RPS6KA5: variants seen among roughly 807,000 people sequenced by gnomAD.
RPS6KA5 encodes ribosomal protein S6 kinase A5.
RPS6KA5 carries 27 observed loss-of-function variants against 85.5 expected under a neutral mutation model. The observed-to-expected ratio is 0.32, with a 90% CI of 0.23 to 0.44. The LOEUF (loss-of-function observed/expected upper bound fraction) is 0.44, where lower values mean the gene tolerates loss of function less well. Among genes scored for constraint, RPS6KA5 ranks in the 20% least tolerant of loss-of-function variants. RPS6KA5 has a pLI of 1.00. For missense variants in RPS6KA5, 811 were observed against 980.9 expected, an observed-to-expected ratio of 0.83 and a Z score of 2.31; for synonymous variants, 334 against 348.2, an observed-to-expected ratio of 0.96 and a Z score of 0.46.
At chr14:91,047,097 A>G (rs2042906224) in intron 1 of RPS6KA5, among the ~76,000 whole-genome samples, 1 of 152,010 alleles carries the variant, frequency 6.6e-6, no homozygotes, top group Non-Finnish European at 1.5e-5. Flanking sequence ...ATAAAGTCAA[A>G]TATCTTCCCA....
intron 1 of RPS6KA5, among the ~76,000 whole-genome samples, chr14:91,012,557 G>A (rs1033474303): frequency 6.6e-6 from 1 of 152,122 alleles, no homozygotes; most frequent in African/African-American, 2.4e-5. Flanking sequence ...AATCTGCAGT[G>A]CCAAGGCCTG....
intron 3 of RPS6KA5, among the ~76,000 whole-genome samples, chr14:90,971,250 G>A (rs1021992684): frequency 1.3e-5 from 2 of 152,122 alleles, no homozygotes; most frequent in Non-Finnish European, 2.9e-5. Flanking sequence ...CTGGAAGGGA[G>A]AGGTTGCAAT....
Position 90,947,622 on chromosome 14 carries a change from C to T in RPS6KA5, c.395-72G>A. The T allele has an allele frequency of 3.4e-6, 3 of 883,242 alleles. No individual in the cohort carries two copies. The South Asian group carries it at 4.4e-5, about 13-fold the overall frequency. 54.7% of individuals were successfully genotyped at this position (883,242 alleles called of 1,614,324 possible). On this transcript the variant is annotated intron_variant, in intron 3 of 16. Transcript: ENST00000614987. The stretch of plus-strand genomic sequence containing the variant: ...GAAAAGCAGTGTTTCCTTTTAATCA[C>T]TTTGGATTCACCATAAGGCACTGAT...
In RPS6KA5 at chr14:90,947,338, T is replaced by G. The variant is rs984741090; in HGVS notation, c.510+97A>C. On this transcript the variant is annotated intron_variant, in intron 4 of 16. Coordinates refer to ENST00000614987, the MANE Select transcript of RPS6KA5 (RefSeq NM_004755.4). ...ATAAGTATGCTTTCATAATCTCCAC[T>G]AAGACAATAACATGTAAAAACATTA... is the stretch of plus-strand genomic sequence containing the variant. 7 of 697,486 alleles carry G rather than the reference T, an allele frequency of 1.0e-5. No individual in the cohort carries two copies. In the African/African-American group the frequency reaches 1.3e-4, roughly 12 times the overall value. The allele number at this position is 697,486 out of a possible 1,614,324, so 43.2% of individuals were successfully genotyped here.
intron 5 of RPS6KA5, among the ~76,000 whole-genome samples, chr14:90,942,844 T>G (rs965083810): frequency 1.3e-5 from 2 of 152,016 alleles, no homozygotes; most frequent in African/African-American, 2.4e-5. Flanking sequence ...CATAGTGTCT[T>G]TTTTCTTTTT....
chr14:90,972,926 A>G (rs1290128991), intron 3 of RPS6KA5, among the ~76,000 whole-genome samples: 1 of 152,228 alleles, frequency 6.6e-6, no homozygotes, highest in Admixed American at 6.5e-5. Context: ...CTCAGAAAAA[A>G]TACATATGGC....
At chr14:91,036,357 A>T (rs1168246745) in intron 1 of RPS6KA5, among the ~76,000 whole-genome samples, 2 of 152,274 alleles carry the variant, frequency 1.3e-5, no homozygotes, top group Non-Finnish European at 2.9e-5. Flanking sequence ...GTTTAGAACT[A>T]AACTCTACCA....
chr14:91,025,292 C>T (rs1200348713), intron 1 of RPS6KA5, among the ~76,000 whole-genome samples: 2 of 152,222 alleles, frequency 1.3e-5, no homozygotes, highest in Non-Finnish European at 2.9e-5. Flanking sequence ...GATCTGCCGG[C>T]CTCAGCCTCC....
At chr14:91,057,816 AAC>A (rs1367957863) in intron 1 of RPS6KA5, among the ~76,000 whole-genome samples, 1 of 152,208 alleles carries the variant, frequency 6.6e-6, no homozygotes, top group African/African-American at 2.4e-5. Flanking sequence ...GCACTTTTCC[AAC>A]AGTGTCTCAT....
intron 13 of RPS6KA5, among the ~76,000 whole-genome samples, chr14:90,890,892 A>G (rs543528496): frequency 6.3e-4 from 96 of 152,122 alleles, no homozygotes; most frequent in Non-Finnish European, 1.1e-3. Flanking sequence ...AACATTTTTC[A>G]ACTGCACCAT....
At chr14:91,026,521 T>C (rs140774680) in intron 1 of RPS6KA5, among the ~76,000 whole-genome samples, 2 of 152,298 alleles carry the variant, frequency 1.3e-5, no homozygotes, top group African/African-American at 2.4e-5. Flanking sequence ...TGAGCCACCA[T>C]GCCCAACATA....
chr14:90,943,922 A>G (rs1390481260), intron 4 of RPS6KA5, among the ~76,000 whole-genome samples: 1 of 152,066 alleles, frequency 6.6e-6, no homozygotes, highest in Non-Finnish European at 1.5e-5. Flanking sequence ...GCGTGGTCCT[A>G]GCTCACTGCA....
At chr14:90,977,242 C>A (rs1037728343) in intron 3 of RPS6KA5, among the ~76,000 whole-genome samples, 1 of 152,160 alleles carries the variant, frequency 6.6e-6, no homozygotes, top group South Asian at 2.1e-4. Context: ...TACCATAATT[C>A]TAGGAGAGAG....
At chr14:90,895,563 T>C (rs2034792607) in intron 12 of RPS6KA5, among the ~76,000 whole-genome samples, 1 of 152,144 alleles carries the variant, frequency 6.6e-6, no homozygotes, top group African/African-American at 2.4e-5. Flanking sequence ...CCACCCAGGC[T>C]CTTTTCTGTC....
At chr14:90,970,035 C>T (rs1221087671) in intron 3 of RPS6KA5, among the ~76,000 whole-genome samples, 1 of 152,142 alleles carries the variant, frequency 6.6e-6, no homozygotes, top group Non-Finnish European at 1.5e-5. Flanking sequence ...CTTTTCTTAT[C>T]TTCTATCTAA....
intron 2 of RPS6KA5, among the ~76,000 whole-genome samples, chr14:90,992,067 T>A (rs1286059): frequency 3.3e-5 from 5 of 151,960 alleles, no homozygotes; most frequent in African/African-American, 1.2e-4. Flanking sequence ...ATCTGATGAG[T>A]CTTTCCTATT....
At chr14:90,902,019 A>T (rs1228656033) in intron 9 of RPS6KA5, among the ~76,000 whole-genome samples, 1 of 149,542 alleles carries the variant, frequency 6.7e-6, no homozygotes, top group Admixed American at 6.7e-5. Flanking sequence ...TGTTTCTACA[A>T]TTTTTTTTTA....
intron 1 of RPS6KA5, among the ~76,000 whole-genome samples, chr14:91,027,961 T>C (rs571501886): frequency 5.9e-5 from 9 of 152,306 alleles, no homozygotes; most frequent in African/African-American, 2.2e-4. Flanking sequence ...ACATTTCTGT[T>C]AGCTGCAGTA....
chr14:91,049,796 A>G (rs2043000787), intron 1 of RPS6KA5, among the ~76,000 whole-genome samples: 1 of 152,226 alleles, frequency 6.6e-6, no homozygotes, highest in Non-Finnish European at 1.5e-5. Flanking sequence ...GGTATAGGTT[A>G]CTACACACCT....
Sources: gnomAD v4.1 joint callset for allele counts (sites outside exome capture counted in the v4.1 genomes callset) on GRCh38, gnomAD v4.1.1 for gene constraint, MANE v1.5 for transcripts, NCBI Gene and HGNC (gene_info 2026-07-23, HGNC 2026-07-21) for gene names.